Variants in MLLT1 observed in about 807,000 individuals in gnomAD.
MLLT1 encodes the protein MLLT1 super elongation complex subunit, also known as protein ENL.
MLLT1 carries 11 observed loss-of-function variants against 55.1 expected under a neutral mutation model. The observed-to-expected ratio is 0.20, with a 90% CI of 0.13 to 0.33. MLLT1 has a LOEUF of 0.33. Ranked by LOEUF, MLLT1 falls within the 10% of genes least tolerant of loss-of-function variation. The probability of loss-of-function intolerance (pLI) is 1.00; values close to 1 mark genes in which losing one functional copy is unlikely to be tolerated. For synonymous variants in MLLT1, 323 were observed against 320.1 expected (o/e 1.01, Z -0.10); for missense variants, 536 against 760.6 (o/e 0.70, Z 3.47).
intron 3 of MLLT1, among the ~76,000 whole-genome samples, chr19:6,245,208 CCTTT>C (rs145860967): frequency 0.031 from 4,693 of 149,726 alleles, 193 homozygotes; most frequent in African/African-American, 0.092. Context: ...TTCTTTTTTT[CCTTT>C]CTTTCTTTCT....
In MLLT1 at chr19:6,230,517, A is replaced by G. The variant is rs1372602286; in HGVS notation, c.420+53T>C. 1.9e-6 allele frequency: 3 copies of G among 1,601,586 alleles called. No homozygotes were observed. Among genetic ancestry groups the G allele is most frequent in the Non-Finnish European group, 2.6e-6 (3 of 1,176,010 alleles). On this transcript the variant is annotated intron_variant, in intron 4 of 11. Coordinates refer to ENST00000252674, the MANE Select transcript of MLLT1 (RefSeq NM_005934.4). This position sits in a 1 kb window ranked among gnomAD's most constrained non-coding sequence, Gnocchi z 9.0. ...CTGGCTGGGCACAGACGGCCGCAGC[A>G]AAGTAGCCTCGGTGGAGCGGCCCCT...
chr19:6,262,057 C>A lies in MLLT1; in HGVS notation c.276+171G>T, dbSNP rs1417395110. 6.6e-6 allele frequency among the ~76,000 whole-genome samples: 1 copy of A among 152,152 alleles called. No homozygotes were observed. The highest frequency in any genetic ancestry group is 1.5e-5 in the Non-Finnish European group (1 of 68,032). ...GTCATGAAACCAGCCGTGTCCTGGC[C>A]CCCGACGTCCCCAGGAATGGAGATG... On this transcript the variant is annotated intron_variant, in intron 3 of 11. Coordinates refer to ENST00000252674, the MANE Select transcript of MLLT1 (RefSeq NM_005934.4). The surrounding 1 kb of genome is among the most constrained non-coding windows in gnomAD (Gnocchi z 4.4).
At chr19:6,257,454 A>G (rs997225115) in intron 3 of MLLT1, among the ~76,000 whole-genome samples, 1 of 152,144 alleles carries the variant, frequency 6.6e-6, no homozygotes, top group African/African-American at 2.4e-5. Context: ...ACATACCCAA[A>G]ATATTTAAAA....
chr19:6,253,264 C>CAAA (rs71172800), intron 3 of MLLT1, among the ~76,000 whole-genome samples: 254 of 24,590 alleles, frequency 0.01, 7 homozygotes, highest in East Asian at 0.017. Context: ...GACCCCATCT[C>CAAA]AAAAAAAAAA....
rs747577172 is a variant in MLLT1 at position 6,213,197 on chromosome 19, G to A, written c.1552-27C>T. On this transcript the variant is annotated intron_variant, in intron 11 of 11. Transcript: ENST00000252674. ...TGTAAGGTGGTGGCAGGTGGCTTCA[G>A]GGGCAGGGGGCCAAGGGTGGGGTTG... 17 of 1,613,802 alleles carry A rather than the reference G, an allele frequency of 1.1e-5. No individual in the cohort carries two copies. In the East Asian group the frequency reaches 3.8e-4, roughly 36 times the overall value.
chr19:6,212,440 A>G lies in MLLT1; in HGVS notation c.*602T>C. 7.5e-6 allele frequency: 8 copies of G among 1,065,596 alleles called. No homozygotes were observed. Among genetic ancestry groups the G allele is most frequent in the Non-Finnish European group, 9.1e-6 (8 of 879,518 alleles). 66.0% of individuals were successfully genotyped at this position (1,065,596 alleles called of 1,614,324 possible). A position where few individuals can be genotyped will look rare whatever the true frequency, so the allele number is the denominator to read the frequency against. ...CACCCACCCCACGTGCACTGCTGCC[A>G]CAGAAACGCACATGGACACTGCTCT... On this transcript the variant is annotated 3_prime_UTR_variant, in exon 12 of 12. Coordinates refer to ENST00000252674, the MANE Select transcript of MLLT1 (RefSeq NM_005934.4).
chr19:6,267,160 G>A (rs1356905247), intron 2 of MLLT1, among the ~76,000 whole-genome samples: 1 of 152,026 alleles, frequency 6.6e-6, no homozygotes, highest in Non-Finnish European at 1.5e-5. Context: ...GGAGTGCACT[G>A]GCATGATCTC....
Position 6,213,024 on chromosome 19 carries a change from C to A in MLLT1, c.*18G>T, listed in dbSNP as rs1448579375. 6.2e-7 allele frequency: 1 copy of A among 1,611,450 alleles called. No homozygotes were observed. Among genetic ancestry groups the A allele is most frequent in the African/African-American group, 1.3e-5 (1 of 74,990 alleles). ...CTCCCAGGACCCCGGCGGTGGGGGC[C>A]CGGCACGCGGCCCAGGGTCATGTGG... On this transcript the variant is annotated 3_prime_UTR_variant, in exon 12 of 12. Transcript: ENST00000252674.
intron 1 of MLLT1, among the ~76,000 whole-genome samples, chr19:6,271,799 G>A (rs953328281): frequency 5.3e-5 from 8 of 152,248 alleles, no homozygotes; most frequent in African/African-American, 1.9e-4. Context: ...ACCATGGCCT[G>A]AGTCCCACAC....
chr19:6,212,092 G>A lies in MLLT1; in HGVS notation c.*950C>T, dbSNP rs1015266837. ...TTTTTCAAAGTTTGAAGACTTGAAT[G>A]AAAGAGAGGAAGAGGAGCCTATGGG... is the stretch of plus-strand genomic sequence containing the variant. On this transcript the variant is annotated 3_prime_UTR_variant, in exon 12 of 12. Transcript: ENST00000252674. 1.4e-5 allele frequency: 15 copies of A among 1,066,312 alleles called. No individual in the cohort carries two copies. The highest frequency in any genetic ancestry group is 1.7e-5 in the Non-Finnish European group (15 of 879,614). The allele number at this position is 1,066,312 out of a possible 1,614,324, so 66.1% of individuals were successfully genotyped here.
chr19:6,241,901 T>TC (rs369950496), intron 3 of MLLT1, among the ~76,000 whole-genome samples: 2,764 of 152,186 alleles, frequency 0.018, 37 homozygotes, highest in Middle Eastern at 0.051. Context: ...AGCCAAGGCC[T>TC]CCCCCTCGGC....
chr19:6,228,148 C>A (rs2090972062), intron 4 of MLLT1, among the ~76,000 whole-genome samples: 2 of 152,186 alleles, frequency 1.3e-5, no homozygotes, highest in Non-Finnish European at 2.9e-5. Flanking sequence ...ATGTGTGCCC[C>A]AGCCGTCCCT....
In MLLT1 at chr19:6,270,899, T is replaced by G. The variant is rs898483169; in HGVS notation, c.13-140A>C. ...ACCCAGTGAGCAGCACACAGACGGC[T>G]TCCTATCGCGCCAGCACCTTGCCGC... On this transcript the variant is annotated intron_variant, in intron 1 of 11. Coordinates refer to ENST00000252674, the MANE Select transcript of MLLT1 (RefSeq NM_005934.4). This position sits in a 1 kb window ranked among gnomAD's most constrained non-coding sequence, Gnocchi z 7.1. 3.8e-6 allele frequency: 3 copies of G among 794,024 alleles called. No individual in the cohort carries two copies. The highest frequency in any genetic ancestry group is 5.7e-6 in the Non-Finnish European group (3 of 522,148). The allele number at this position is 794,024 out of a possible 1,614,324, so 49.2% of individuals were successfully genotyped here.
chr19:6,257,020 G>A (rs2091262976), intron 3 of MLLT1, among the ~76,000 whole-genome samples: 1 of 152,164 alleles, frequency 6.6e-6, no homozygotes, highest in Non-Finnish European at 1.5e-5. Context: ...CTTCATATAT[G>A]AAAGTTCACT....
At chr19:6,253,346 A>G (rs2091234878) in intron 3 of MLLT1, among the ~76,000 whole-genome samples, 1 of 151,768 alleles carries the variant, frequency 6.6e-6, no homozygotes, top group Non-Finnish European at 1.5e-5. Flanking sequence ...CAGAAATCAA[A>G]TACTTCCCAC....
Position 6,215,438 on chromosome 19 carries a change from G to A in MLLT1, c.1307+967C>T, listed in dbSNP as rs376556496. Reference sequence around the variant, plus strand: ...CGTGTCTAGAGTCTAAGTCCCTGTCGGAGTCGTGGGCCCGGACCTCCCACC... The same window carrying A: ...CGTGTCTAGAGTCTAAGTCCCTGTCAGAGTCGTGGGCCCGGACCTCCCACC... On this transcript the variant is annotated intron_variant, in intron 8 of 11. Transcript: ENST00000252674. Among the ~76,000 whole-genome samples, 14 of 152,290 alleles carry A rather than the reference G, an allele frequency of 9.2e-5. No homozygotes were observed. The East Asian group carries it at 1.7e-3, about 19-fold the overall frequency.
At chr19:6,218,685 A>G (rs547124450) in intron 6 of MLLT1, among the ~76,000 whole-genome samples, 1 of 152,252 alleles carries the variant, frequency 6.6e-6, no homozygotes, top group East Asian at 1.9e-4. Flanking sequence ...AAGCCACAAC[A>G]AGGACACAAG....
intron 3 of MLLT1, among the ~76,000 whole-genome samples, chr19:6,245,796 G>A (rs1391545523): frequency 1.3e-5 from 2 of 152,244 alleles, no homozygotes; most frequent in East Asian, 1.9e-4. Flanking sequence ...CTACTTGGGA[G>A]GCTAAGGCAG....
chr19:6,253,835 C>T (rs1039852017), intron 3 of MLLT1, among the ~76,000 whole-genome samples: 1 of 152,062 alleles, frequency 6.6e-6, no homozygotes, highest in East Asian at 1.9e-4. Flanking sequence ...AGGTGTGACA[C>T]GGTAAGAAAT....
Sources: allele counts gnomAD v4.1 joint callset (sites outside exome capture counted in the v4.1 genomes callset), GRCh38; gene constraint gnomAD v4.1.1; non-coding constraint Gnocchi (gnomAD v3.1); transcripts MANE v1.5; gene names NCBI Gene and HGNC (gene_info 2026-07-23, HGNC 2026-07-21).